REPS2: variants seen among roughly 807,000 people sequenced by gnomAD.
The protein encoded by REPS2 is RALBP1 associated Eps domain containing 2, also known as ralBP1-associated Eps domain-containing protein 2.
A neutral mutation model predicts 53.6 loss-of-function variants in REPS2; 23 were observed. That is an observed-to-expected ratio of 0.43 (90% CI 0.31 to 0.61). The LOEUF is 0.61. Ranked by LOEUF, REPS2 falls within the 20% of genes least tolerant of loss-of-function variation. The pLI, the probability that REPS2 is intolerant of heterozygous loss-of-function variation, is 0.11. For missense variants in REPS2, 446 were observed against 534.9 expected, an observed-to-expected ratio of 0.83 and a Z score of 1.64; for synonymous variants, 238 against 218.6, an observed-to-expected ratio of 1.09 and a Z score of -0.78.
chrX:17,108,426 C>G, intron 14 of REPS2, among the ~76,000 whole-genome samples: 1 of 110,462 alleles, frequency 9.1e-6, no homozygotes, highest in Middle Eastern at 4.9e-3. Flanking sequence ...CCCACTTCAG[C>G]CTCCCAAAGT....
intron 14 of REPS2, among the ~76,000 whole-genome samples, chrX:17,112,985 G>A (rs1453131712): frequency 9.9e-6 from 1 of 101,315 alleles, no homozygotes; most frequent in African/African-American, 3.6e-5. Flanking sequence ...CCAGTTACTC[G>A]GGAGGCTGAG....
chrX:17,093,167 T>C (rs1027450182), intron 13 of REPS2, among the ~76,000 whole-genome samples: 3 of 35,691 alleles, frequency 8.4e-5, no homozygotes, highest in South Asian at 2.4e-3. Context: ...GAGTTAATGC[T>C]ATATATATAT....
chrX:17,113,592 A>C (rs890378885), intron 14 of REPS2, among the ~76,000 whole-genome samples: 41 of 111,581 alleles, frequency 3.7e-4, no homozygotes, highest in African/African-American at 1.3e-3. Flanking sequence ...GTGTTGATTG[A>C]ATCTCAAGAG....
chrX:17,084,749 G>T (rs1312255859), intron 13 of REPS2, among the ~76,000 whole-genome samples: 14 of 111,983 alleles, frequency 1.3e-4, no homozygotes, highest in Non-Finnish European at 2.4e-4. Flanking sequence ...TCTTTTTATT[G>T]TTGATTTGTA....
chrX:17,105,601 T>C (rs2062864024), intron 14 of REPS2, among the ~76,000 whole-genome samples: 1 of 111,856 alleles, frequency 8.9e-6, no homozygotes, highest in African/African-American at 3.3e-5. Context: ...ATGAGTCTGC[T>C]TCTTTGTCTA....
chrX:17,024,122 C>CAA (rs773392773), intron 3 of REPS2, among the ~76,000 whole-genome samples: 4 of 65,443 alleles, frequency 6.1e-5, no homozygotes, highest in South Asian at 7.1e-4. Context: ...GACCTCATTT[C>CAA]AAAAAAAAAA....
chrX:17,000,046 CAAAAAAAAA>C (rs61082179), intron 1 of REPS2, among the ~76,000 whole-genome samples: 20 of 27,106 alleles, frequency 7.4e-4, no homozygotes, highest in African/African-American at 2.3e-3. Flanking sequence ...GACTCCGTCT[CAAAAAAAAA>C]AAAAAAAAAA....
chrX:16,990,816 C>T (rs1391639843), intron 1 of REPS2, among the ~76,000 whole-genome samples: 1 of 110,530 alleles, frequency 9.0e-6, no homozygotes, highest in Admixed American at 9.6e-5. Flanking sequence ...TCATTTCTTA[C>T]CTCTGCATAT....
chrX:17,087,927 TA>T (rs1457932129), intron 13 of REPS2, among the ~76,000 whole-genome samples: 2 of 32,799 alleles, frequency 6.1e-5, no homozygotes, highest in African/African-American at 2.9e-4. Context: ...ACTCTGTCGA[TA>T]GATAGATAGA....
At chrX:17,144,116 T>G (rs2063481613) in intron 17 of REPS2, among the ~76,000 whole-genome samples, 1 of 112,547 alleles carries the variant, frequency 8.9e-6, no homozygotes, top group Admixed American at 9.4e-5. Context: ...GGTTGGAGTG[T>G]CCAGAGTGGA....
intron 1 of REPS2, among the ~76,000 whole-genome samples, chrX:16,970,980 T>C (rs1485971452): frequency 8.9e-6 from 1 of 112,714 alleles, no homozygotes; most frequent in Non-Finnish European, 1.9e-5. Context: ...TGTGGACATA[T>C]GTTTTTATTT....
At chrX:17,044,161 G>A (rs2061872287) in intron 5 of REPS2, among the ~76,000 whole-genome samples, 1 of 111,196 alleles carries the variant, frequency 9.0e-6, no homozygotes, top group Non-Finnish European at 1.9e-5. Flanking sequence ...CTAATGCCAC[G>A]CTGGAGTGAG....
At chrX:17,174,711 C>T in the REPS2 span, among the ~76,000 whole-genome samples, 5 of 112,679 alleles carry the variant, frequency 4.4e-5, no homozygotes, top group Non-Finnish European at 7.5e-5. Flanking sequence ...TTTTACCCTC[C>T]GGTGTGGGTC....
At chrX:17,120,489 T>C (rs1382841213) in intron 14 of REPS2, among the ~76,000 whole-genome samples, 1 of 111,381 alleles carries the variant, frequency 9.0e-6, no homozygotes, top group Non-Finnish European at 1.9e-5. Context: ...TGAAGATCTC[T>C]AAAGCACTTA....
chrX:17,102,230 C>T (rs956392146), intron 13 of REPS2, among the ~76,000 whole-genome samples: 2 of 110,463 alleles, frequency 1.8e-5, no homozygotes, highest in African/African-American at 6.6e-5. Flanking sequence ...TACAGGTGTG[C>T]ACTACCACGC....
chrX:17,137,046 A>G (rs779682947), intron 16 of REPS2: 1 of 112,332 alleles, frequency 8.9e-6, no homozygotes, highest in Non-Finnish European at 1.9e-5. Context: ...CAGTCAATGG[A>G]CATTTTGGTT....
chrX:17,073,673 T>G (rs1431865847), intron 11 of REPS2, among the ~76,000 whole-genome samples: 1 of 103,036 alleles, frequency 9.7e-6, no homozygotes, highest in Admixed American at 1.0e-4. Context: ...TGGTAGTGTA[T>G]TTTTTTTTTT....
At chrX:17,074,308 A>T in intron 12 of REPS2, 149 bp downstream of exon 12, 1 of 507,493 alleles carries the variant, frequency 2.0e-6, no homozygotes, top group Non-Finnish European at 3.4e-6. Flanking sequence ...GCATGGCCTG[A>T]TGGGAACATG....
At chrX:17,117,322 G>T (rs923497461) in intron 14 of REPS2, among the ~76,000 whole-genome samples, 1 of 109,989 alleles carries the variant, frequency 9.1e-6, no homozygotes, top group Non-Finnish European at 1.9e-5. Flanking sequence ...TGTGCACAAC[G>T]TGCAGGTTTG....
Sources: allele counts gnomAD v4.1 joint callset (sites outside exome capture counted in the v4.1 genomes callset), GRCh38; gene constraint gnomAD v4.1.1; transcripts MANE v1.5; gene names NCBI Gene and HGNC (gene_info 2026-07-23, HGNC 2026-07-21).